SGCZ: variants seen among roughly 807,000 people sequenced by gnomAD.
The protein encoded by SGCZ is sarcoglycan zeta.
Under a neutral mutation model 41.3 loss-of-function variants are expected in SGCZ, and 40 were observed. The observed-to-expected ratio is 0.97, with a 90% CI of 0.75 to 1.26. The LOEUF (loss-of-function observed/expected upper bound fraction) is 1.26. Among genes scored for constraint, SGCZ ranks in the 50% most tolerant of loss-of-function variants. The pLI is 0.00. For missense variants in SGCZ, 552 were observed against 369.8 expected, an observed-to-expected ratio of 1.49 and a Z score of -4.04; for synonymous variants, 206 against 137.5, an observed-to-expected ratio of 1.50 and a Z score of -3.49.
Position 14,503,377 on chromosome 8 carries a change from T to C in SGCZ, c.234+51355A>G, listed in dbSNP as rs950718192. Among the ~76,000 whole-genome samples, 63 of 152,246 alleles carry C rather than the reference T, an allele frequency of 4.1e-4. 1 individual carries two copies. The Middle Eastern group carries it at 0.01, about 25-fold the overall frequency. ...GGGTTGATGAGTGCAGAAACCACCATGGCACGTGCATACCTATGTAACAAA... is the reference window on the plus strand; with the variant it reads ...GGGTTGATGAGTGCAGAAACCACCACGGCACGTGCATACCTATGTAACAAA... On this transcript the variant is annotated intron_variant, in intron 2 of 7. Coordinates refer to ENST00000382080, the MANE Select transcript of SGCZ (RefSeq NM_139167.4).
chr8:14,157,585 T>G (rs1280186552), intron 5 of SGCZ, among the ~76,000 whole-genome samples: 1 of 151,118 alleles, frequency 6.6e-6, no homozygotes. Flanking sequence ...TAAGTACTTG[T>G]GCAGAAAAAT....
At chr8:15,201,286 G>C (rs1800880557) in intron 1 of SGCZ, among the ~76,000 whole-genome samples, 1 of 152,142 alleles carries the variant, frequency 6.6e-6, no homozygotes, top group Admixed American at 6.5e-5. Flanking sequence ...CAAAGTGTTG[G>C]GATTACAGGC....
chr8:14,241,234 T>C lies in SGCZ; in HGVS notation c.337-3555A>G, dbSNP rs534784055. Reference sequence around the variant, plus strand: ...AAATTTTGAAAGCGAATATGTGGTTTAAGATATTTAAATAGACATAGTAGT... The same window carrying C: ...AAATTTTGAAAGCGAATATGTGGTTCAAGATATTTAAATAGACATAGTAGT... On this transcript the variant is annotated intron_variant, in intron 3 of 7. Coordinates refer to ENST00000382080, the MANE Select transcript of SGCZ (RefSeq NM_139167.4). 5.9e-4 allele frequency among the ~76,000 whole-genome samples: 89 copies of C among 152,028 alleles called. 1 individual carries two copies. The highest frequency in any genetic ancestry group is 3.5e-3 in the Middle Eastern group (1 of 286).
intron 4 of SGCZ, among the ~76,000 whole-genome samples, chr8:14,203,554 A>G (rs989372452): frequency 3.3e-5 from 5 of 152,158 alleles, no homozygotes; most frequent in Admixed American, 2.6e-4. Context: ...CATCTTTTAT[A>G]TAATTTTCTT....
At chr8:14,181,778 G>A (rs2117024647) in intron 4 of SGCZ, among the ~76,000 whole-genome samples, 1 of 152,326 alleles carries the variant, frequency 6.6e-6, no homozygotes, top group South Asian at 2.1e-4. Flanking sequence ...CAGCCATGTG[G>A]AACTGTGAGT....
At chr8:14,195,714 T>G (rs1483430331) in intron 4 of SGCZ, among the ~76,000 whole-genome samples, 4 of 152,114 alleles carry the variant, frequency 2.6e-5, no homozygotes, top group African/African-American at 9.7e-5. Flanking sequence ...TGATTAATAC[T>G]GGAAAAAATG....
chr8:15,044,502 C>T (rs939471984), intron 1 of SGCZ, among the ~76,000 whole-genome samples: 1 of 152,104 alleles, frequency 6.6e-6, no homozygotes, highest in African/African-American at 2.4e-5. Flanking sequence ...AAAATACATA[C>T]AGAATCAGGA....
intron 3 of SGCZ, among the ~76,000 whole-genome samples, chr8:14,300,760 C>T (rs899330446): frequency 5.3e-5 from 8 of 151,816 alleles, no homozygotes; most frequent in African/African-American, 1.9e-4. Flanking sequence ...CTTAGCCATA[C>T]GTATGTCTTC....
At chr8:15,080,133 T>C (rs975864327) in intron 1 of SGCZ, among the ~76,000 whole-genome samples, 1 of 152,290 alleles carries the variant, frequency 6.6e-6, no homozygotes, top group East Asian at 1.9e-4. Context: ...CTGGACGAGA[T>C]ATTTGCAGTG....
intron 2 of SGCZ, among the ~76,000 whole-genome samples, chr8:14,411,864 T>C (rs934212954): frequency 2.0e-5 from 3 of 152,082 alleles, no homozygotes; most frequent in East Asian, 3.9e-4. Context: ...ACATTTCTAT[T>C]TGATGGAACG....
intron 1 of SGCZ, among the ~76,000 whole-genome samples, chr8:14,786,401 T>A (rs1459460136): frequency 6.6e-6 from 1 of 152,120 alleles, no homozygotes; most frequent in Non-Finnish European, 1.5e-5. Context: ...AAAGATTTAT[T>A]TATGAAATGA....
At chr8:15,119,107 A>C (rs1254375675) in intron 1 of SGCZ, among the ~76,000 whole-genome samples, 1 of 152,210 alleles carries the variant, frequency 6.6e-6, no homozygotes, top group Non-Finnish European at 1.5e-5. Context: ...TTTACTTCTT[A>C]TCCTTTTAAG....
chr8:15,110,432 T>A (rs1052618719), intron 1 of SGCZ, among the ~76,000 whole-genome samples: 1 of 152,234 alleles, frequency 6.6e-6, no homozygotes, highest in Non-Finnish European at 1.5e-5. Flanking sequence ...GAATGCTGCA[T>A]GAGATTCATT....
At chr8:15,067,669 T>C (rs2131022443) in intron 1 of SGCZ, among the ~76,000 whole-genome samples, 1 of 152,342 alleles carries the variant, frequency 6.6e-6, no homozygotes, top group South Asian at 2.1e-4. Context: ...ATTATTTTCT[T>C]TGATTACCCT....
At chr8:14,678,804 G>T (rs1412661567) in intron 1 of SGCZ, among the ~76,000 whole-genome samples, 1 of 152,142 alleles carries the variant, frequency 6.6e-6, no homozygotes, top group Non-Finnish European at 1.5e-5. Flanking sequence ...TAGGTGAACA[G>T]ATAAATACAC....
chr8:14,231,217 A>AAG (rs150242028), intron 4 of SGCZ, among the ~76,000 whole-genome samples: 902 of 73,170 alleles, frequency 0.012, 8 homozygotes, highest in African/African-American at 0.046. Context: ...GAGAGGGGGA[A>AAG]AGAGAGAGAG....
At chr8:14,489,582 G>A (rs7005685) in intron 2 of SGCZ, among the ~76,000 whole-genome samples, 72,828 of 151,544 alleles carry the variant, frequency 0.48, 17,615 homozygotes, top group Admixed American at 0.54. Context: ...CTTTTTAAAC[G>A]CCCAAAACAG....
At chr8:14,722,876 A>G (rs1809933641) in intron 1 of SGCZ, among the ~76,000 whole-genome samples, 1 of 152,212 alleles carries the variant, frequency 6.6e-6, no homozygotes, top group African/African-American at 2.4e-5. Flanking sequence ...AAAGTCGGAA[A>G]TAAAATGCGT....
chr8:14,355,663 A>G (rs1009267732), intron 2 of SGCZ, among the ~76,000 whole-genome samples: 1 of 152,056 alleles, frequency 6.6e-6, no homozygotes, highest in African/African-American at 2.4e-5. Context: ...CCTTGGGAAA[A>G]TGATAAAAAT....
Sources: allele counts gnomAD v4.1 joint callset (sites outside exome capture counted in the v4.1 genomes callset), GRCh38; gene constraint gnomAD v4.1.1; transcripts MANE v1.5; gene names NCBI Gene and HGNC (gene_info 2026-07-23, HGNC 2026-07-21).